Variants in GUCA1B observed in about 807,000 individuals in gnomAD.
The protein encoded by GUCA1B is guanylyl cyclase-activating protein 2.
Under a neutral mutation model 24.2 loss-of-function variants are expected in GUCA1B, and 22 were observed. That is an observed-to-expected ratio of 0.91 (90% CI 0.65 to 1.30). The LOEUF is 1.30. Among genes scored for constraint, GUCA1B ranks in the 50% most tolerant of loss-of-function variants. The pLI is 0.00. For synonymous variants in GUCA1B, 100 were observed against 97.9 expected (o/e 1.02, Z -0.13); for missense variants, 221 against 258.8 (o/e 0.85, Z 1.00).
intron 1 of GUCA1B, among the ~76,000 whole-genome samples, chr6:42,194,296 G>C (rs1420194399): frequency 6.6e-6 from 1 of 152,284 alleles, no homozygotes; most frequent in East Asian, 1.9e-4. Flanking sequence ...CAGAGTCTTG[G>C]TCAAAAATAC....
At chr6:42,191,407 T>C (rs1768303040) in intron 1 of GUCA1B, among the ~76,000 whole-genome samples, 1 of 152,116 alleles carries the variant, frequency 6.6e-6, no homozygotes, top group Non-Finnish European at 1.5e-5. Context: ...CTATAAACAC[T>C]TTTGATTGGA....
In GUCA1B at chr6:42,194,835, G is replaced by T; in HGVS notation, c.-15C>A. On this transcript the variant is annotated 5_prime_UTR_variant, in exon 1 of 4. Coordinates refer to ENST00000230361, the MANE Select transcript of GUCA1B (RefSeq NM_002098.6). Reference sequence around the variant, plus strand: ...TCCTGCCCCATGCTAGCCCTGAGGAGCATCAGGGAGCAAGGGTCTGTATCT... The same window carrying T: ...TCCTGCCCCATGCTAGCCCTGAGGATCATCAGGGAGCAAGGGTCTGTATCT... The T allele has an allele frequency of 6.5e-7, 1 of 1,538,136 alleles. No homozygotes were observed. The highest frequency in any genetic ancestry group is 8.8e-7 in the Non-Finnish European group (1 of 1,134,652).
chr6:42,188,902 A>ATCTATCTATCTATCTATCTATATC (rs57981170), intron 1 of GUCA1B, among the ~76,000 whole-genome samples, 171 bp from the exon 2 acceptor site: 11,443 of 114,636 alleles, frequency 0.1, 536 homozygotes, highest in Admixed American at 0.14. Flanking sequence ...CTATCTATCT[A>ATCTATCTATCTATCTATCTATATC]TATCTATATC....
intron 1 of GUCA1B, 57 bp from the exon 2 acceptor site, chr6:42,188,788 A>G: frequency 3.2e-6 from 5 of 1,538,612 alleles, no homozygotes; most frequent in South Asian, 1.2e-5. Context: ...AGCATAGGCC[A>G]TTCATCCCTG....
chr6:42,186,693 G>A (rs1195716804), intron 2 of GUCA1B, among the ~76,000 whole-genome samples: 1 of 152,204 alleles, frequency 6.6e-6, no homozygotes, highest in Non-Finnish European at 1.5e-5. Flanking sequence ...CCTGAGGACA[G>A]AAGCTGCGTC....
chr6:42,191,478 T>C (rs1009841079), intron 1 of GUCA1B, among the ~76,000 whole-genome samples: 11 of 152,082 alleles, frequency 7.2e-5, no homozygotes, highest in African/African-American at 2.7e-4. Flanking sequence ...TAAGGGGGAA[T>C]GGAGTCAGGT....
Position 42,183,523 on chromosome 6 carries a change from A to C in GUCA1B, c.*1292T>G, listed in dbSNP as rs1768140704. ...TAGTTTCTATATTGGGGTTACACAT[A>C]AGAGTTTATATAACAAAAAATAATT... On this transcript the variant is annotated 3_prime_UTR_variant, in exon 4 of 4. Coordinates refer to ENST00000230361, the MANE Select transcript of GUCA1B (RefSeq NM_002098.6). Among the ~76,000 whole-genome samples the C allele has an allele frequency of 6.6e-6, 1 of 152,214 alleles. No homozygotes were observed. The highest frequency in any genetic ancestry group is 1.5e-5 in the Non-Finnish European group (1 of 68,040).
chr6:42,184,693 C>A lies in GUCA1B; in HGVS notation c.*122G>T. 9.6e-7 allele frequency: 1 copy of A among 1,039,542 alleles called. No homozygotes were observed. Among genetic ancestry groups the A allele is most frequent in the African/African-American group, 1.6e-5 (1 of 64,346 alleles). The allele number at this position is 1,039,542 out of a possible 1,614,324, so 64.4% of individuals were successfully genotyped here. On this transcript the variant is annotated 3_prime_UTR_variant, in exon 4 of 4. Coordinates refer to ENST00000230361, the MANE Select transcript of GUCA1B (RefSeq NM_002098.6). ...CCTTCCCCATCCCCACTCAGCCCTG[C>A]ACAGGGGGTGCCAGGAAGTCAACAC...
Position 42,194,801 on chromosome 6 carries a change from CAGCT to C in GUCA1B, c.16_19del (p.Ser6GlyfsTer10). On this transcript the variant is annotated frameshift_variant, in exon 1 of 4. Coordinates refer to ENST00000230361, the MANE Select transcript of GUCA1B (RefSeq NM_002098.6). LOFTEE classifies it high-confidence loss of function. The stretch of plus-strand genomic sequence containing the variant: ...CTCGCCAGCTGCCTCCGCCTCCTCC[CAGCT>C]AAACTCCTGCCCCATGCTAGCCCTG... The C allele has an allele frequency of 6.4e-7, 1 of 1,569,514 alleles. No individual in the cohort carries two copies. The highest frequency in any genetic ancestry group is 8.6e-7 in the Non-Finnish European group (1 of 1,157,092).
Position 42,186,171 on chromosome 6 carries a change from A to G in GUCA1B, c.358-374T>C, listed in dbSNP as rs376802197. Among the ~76,000 whole-genome samples the G allele has an allele frequency of 1.3e-3, 202 of 152,336 alleles. 4 individuals are homozygous for G. In the South Asian group the frequency reaches 0.02, roughly 15 times the overall value. On this transcript the variant is annotated intron_variant, in intron 2 of 3. Coordinates refer to ENST00000230361, the MANE Select transcript of GUCA1B (RefSeq NM_002098.6). ...AGAGAAGAAAATTCAGTGTATCTAT[A>G]TAAGTGTGCCTGTATATGTGTAAAA... is the stretch of plus-strand genomic sequence containing the variant.
At chr6:42,193,767 T>G (rs923491909) in intron 1 of GUCA1B, among the ~76,000 whole-genome samples, 1 of 152,184 alleles carries the variant, frequency 6.6e-6, no homozygotes, top group African/African-American at 2.4e-5. Context: ...GTGATTCAGC[T>G]TAGAAAGCTA....
intron 1 of GUCA1B, among the ~76,000 whole-genome samples, chr6:42,190,762 T>G (rs1165513964): frequency 2.6e-5 from 4 of 152,130 alleles, no homozygotes; most frequent in Non-Finnish European, 5.9e-5. Context: ...TCTATTTCTG[T>G]CCAGCAAATA....
At chr6:42,189,301 G>T (rs1196156410) in intron 1 of GUCA1B, among the ~76,000 whole-genome samples, 1 of 152,128 alleles carries the variant, frequency 6.6e-6, no homozygotes. Context: ...TCCTAGATTT[G>T]TCTTGTTCTC....
At chr6:42,185,403 G>A (rs917838076) in intron 3 of GUCA1B, among the ~76,000 whole-genome samples, 8 of 152,154 alleles carry the variant, frequency 5.3e-5, no homozygotes, top group African/African-American at 1.7e-4. Context: ...AGACTAGGAC[G>A]AGAAGCTCAA....
chr6:42,194,807 A>G lies in GUCA1B; in HGVS notation c.14T>C (p.Phe5Ser). 1.3e-6 allele frequency: 2 copies of G among 1,566,156 alleles called. No individual in the cohort carries two copies. Among genetic ancestry groups the G allele is most frequent in the South Asian group, 2.3e-5 (2 of 85,890 alleles). The change falls in exon 1 of 4, where the codon TTT becomes TCT. Residue 5 changes from phenylalanine to serine, a missense_variant. Transcript: ENST00000230361. ...AGCTGCCTCCGCCTCCTCCCAGCTA[A>G]ACTCCTGCCCCATGCTAGCCCTGAG... MGQEFSWEEAEAAGE... is the reference protein window; with the variant it reads MGQESSWEEAEAAGE...
intron 2 of GUCA1B, among the ~76,000 whole-genome samples, chr6:42,187,370 C>T (rs1352945951): frequency 2.7e-5 from 4 of 150,264 alleles, no homozygotes; most frequent in Non-Finnish European, 1.5e-5. Flanking sequence ...TCCCAAAGTG[C>T]TGGGATTACA....
chr6:42,194,766 CCA>C lies in GUCA1B; in HGVS notation c.53_54del (p.Val18GlyfsTer23), dbSNP rs1264155086. The C allele has an allele frequency of 6.2e-7, 1 of 1,604,944 alleles. No individual in the cohort carries two copies. Among genetic ancestry groups the C allele is most frequent in the Admixed American group, 1.7e-5 (1 of 58,186 alleles). ...TTCTTGTACCACTCCTGGAGCTCCGCCACATCTATCTCGCCAGCTGCCTCCGC... is the reference window on the plus strand; with the variant it reads ...TTCTTGTACCACTCCTGGAGCTCCGCCATCTATCTCGCCAGCTGCCTCCGC... Reference protein sequence around the residue: ...EEAEAAGEIDVAELQEWYKKF... With the variant: ...EEAEAAGEIDXAELQEWYKKF... On this transcript the variant is annotated frameshift_variant, in exon 1 of 4. Coordinates refer to ENST00000230361, the MANE Select transcript of GUCA1B (RefSeq NM_002098.6). LOFTEE classifies it high-confidence loss of function.
rs2113849659 is a variant in GUCA1B at position 42,194,642 on chromosome 6, C to T, written c.179G>A (p.Gly60Asp). 1 of 1,613,096 alleles carries T rather than the reference C, an allele frequency of 6.2e-7. No homozygotes were observed. Residue 60 changes from glycine (G) to aspartate (D), a missense_variant, in exon 1 of 4, where the codon GGC (glycine) becomes GAC (aspartate). By Grantham distance (94) the Gly-to-Asp change is moderately conservative. Transcript: ENST00000230361. ...DDEEASQYVE[G>D]MFRAFDKNGD... ...ATTCTTGTCGAAGGCTCGGAACATG[C>T]CCTCTACATACTGGGAGGCCTCCTC...
chr6:42,188,048 G>A (rs1768226915), intron 2 of GUCA1B, among the ~76,000 whole-genome samples: 1 of 150,898 alleles, frequency 6.6e-6, no homozygotes, highest in Admixed American at 6.6e-5. Context: ...GTCTCGCTTT[G>A]TTTTCCAGGT....
Sources: gnomAD v4.1 joint callset for allele counts (sites outside exome capture counted in the v4.1 genomes callset) on GRCh38, gnomAD v4.1.1 for gene constraint, MANE v1.5 for transcripts, NCBI Gene and HGNC (gene_info 2026-07-23, HGNC 2026-07-21) for gene names.